TRPS1: variants seen among roughly 807,000 people sequenced by gnomAD.
TRPS1 encodes the protein transcriptional repressor GATA binding 1, also known as zinc finger transcription factor Trps1.
A neutral mutation model predicts 101.2 loss-of-function variants in TRPS1; 6 were observed. The ratio of observed to expected loss-of-function variants is 0.06; its 90% CI spans 0.03 to 0.12. TRPS1 has a LOEUF of 0.12. Ranked by LOEUF, TRPS1 falls within the 10% of genes least tolerant of loss-of-function variation. The probability of loss-of-function intolerance (pLI) is 1.00; values close to 1 mark genes in which losing one functional copy is unlikely to be tolerated. For missense variants in TRPS1, 1,363 were observed against 1,567.0 expected (o/e 0.87, Z 2.20); for synonymous variants, 578 against 589.8 (o/e 0.98, Z 0.29).
chr8:115,531,946 C>G (rs1432051360), intron 5 of TRPS1, among the ~76,000 whole-genome samples: 1 of 151,958 alleles, frequency 6.6e-6, no homozygotes, highest in Non-Finnish European at 1.5e-5. Context: ...ATCGGGGTTT[C>G]TGAGTTGCTG....
chr8:115,437,575 T>C (rs1271619109), intron 5 of TRPS1, among the ~76,000 whole-genome samples: 1 of 152,212 alleles, frequency 6.6e-6, no homozygotes, highest in Non-Finnish European at 1.5e-5. Context: ...TTGTTCCCAT[T>C]GGCACATACG....
intron 3 of TRPS1, among the ~76,000 whole-genome samples, chr8:115,618,597 T>G (rs532605051): frequency 5.9e-5 from 9 of 152,342 alleles, no homozygotes; most frequent in Non-Finnish European, 1.2e-4. Flanking sequence ...CTAATCAACA[T>G]AAAATGTTAT....
chr8:115,525,578 A>G (rs1310070997), intron 5 of TRPS1, among the ~76,000 whole-genome samples: 1 of 152,194 alleles, frequency 6.6e-6, no homozygotes, highest in Non-Finnish European at 1.5e-5. Flanking sequence ...CAATCTGATT[A>G]TTTAGCAGAT....
intron 5 of TRPS1, among the ~76,000 whole-genome samples, chr8:115,440,024 C>T (rs944007896): frequency 1.3e-5 from 2 of 152,180 alleles, no homozygotes; most frequent in African/African-American, 2.4e-5. Flanking sequence ...GTGCAGTTGT[C>T]CTCTCATAAT....
intron 4 of TRPS1, among the ~76,000 whole-genome samples, chr8:115,591,599 C>T (rs78499370): frequency 0.01 from 1,536 of 152,222 alleles, 22 homozygotes; most frequent in African/African-American, 0.034. Flanking sequence ...GAGCTGCTGT[C>T]ATCATCCTGG....
At chr8:115,537,470 C>T (rs188575544) in intron 5 of TRPS1, among the ~76,000 whole-genome samples, 41 of 152,254 alleles carry the variant, frequency 2.7e-4, no homozygotes, top group African/African-American at 8.9e-4. Context: ...AAGAAAATCA[C>T]ATATAACAAG....
intron 1 of TRPS1, among the ~76,000 whole-genome samples, chr8:115,662,779 G>A (rs1811833698): frequency 6.6e-6 from 1 of 151,312 alleles, no homozygotes; most frequent in African/African-American, 2.4e-5. Flanking sequence ...AAAAAGAGCT[G>A]CCTGTAGAAA....
chr8:115,610,562 A>C (rs1187533298), intron 3 of TRPS1, among the ~76,000 whole-genome samples: 1 of 152,158 alleles, frequency 6.6e-6, no homozygotes, highest in African/African-American at 2.4e-5. Flanking sequence ...CAACTCCCTT[A>C]TTTGGATTTA....
Position 115,568,695 on chromosome 8 carries a change from T to A in TRPS1, c.2700+18306A>T, listed in dbSNP as rs1030808585. 6.0e-4 allele frequency among the ~76,000 whole-genome samples: 92 copies of A among 152,202 alleles called. 2 individuals are homozygous for A. Among genetic ancestry groups the A allele is most frequent in the Non-Finnish European group, 6.5e-4 (44 of 67,968 alleles). ...TTAACAGGATCAAAATTTCACATAGTTCCACATCTCTAAACTTATATAGAA... is the reference window on the plus strand; with the variant it reads ...TTAACAGGATCAAAATTTCACATAGATCCACATCTCTAAACTTATATAGAA... On this transcript the variant is annotated intron_variant, in intron 5 of 6. Coordinates refer to ENST00000395715, the MANE Select transcript of TRPS1 (RefSeq NM_014112.5).
chr8:115,587,877 ACGCT>A (rs1817604013), intron 4 of TRPS1, among the ~76,000 whole-genome samples: 1 of 152,200 alleles, frequency 6.6e-6, no homozygotes, highest in African/African-American at 2.4e-5. Flanking sequence ...GCACGCACGC[ACGCT>A]GCTCGTGCTT....
rs975075468 is a variant in TRPS1, at chr8:115,524,527, G to T, written c.2700+62474C>A. On this transcript the variant is annotated intron_variant, in intron 5 of 6. Coordinates refer to ENST00000395715, the MANE Select transcript of TRPS1 (RefSeq NM_014112.5). ...GTAGAGACAGGGTTTCACCATGTTGGTCAGGCTGGTCTCGAACTCCTGACC... is the reference window on the plus strand; with the variant it reads ...GTAGAGACAGGGTTTCACCATGTTGTTCAGGCTGGTCTCGAACTCCTGACC... Among the ~76,000 whole-genome samples the T allele has an allele frequency of 2.6e-5, 4 of 151,742 alleles. No homozygotes were observed. In the East Asian group the frequency reaches 7.8e-4, roughly 30 times the overall value.
Position 115,570,719 on chromosome 8 carries a change from A to T in TRPS1, c.2700+16282T>A, listed in dbSNP as rs910232622. On this transcript the variant is annotated intron_variant, in intron 5 of 6. Coordinates refer to ENST00000395715, the MANE Select transcript of TRPS1 (RefSeq NM_014112.5). ...CACACACACACACACACACACACAC[A>T]CTCACACTTCAATGAACTTCAATTT... Among the ~76,000 whole-genome samples the T allele has an allele frequency of 2.3e-4, 33 of 146,648 alleles. No individual in the cohort carries two copies. The East Asian group carries it at 3.4e-3, about 15-fold the overall frequency.
At chr8:115,667,341 G>A (rs1345753175) in intron 1 of TRPS1, among the ~76,000 whole-genome samples, 2 of 152,098 alleles carry the variant, frequency 1.3e-5, no homozygotes, top group African/African-American at 4.8e-5. Context: ...AGCTCCCACC[G>A]CCGCCTCACC....
chr8:115,641,580 G>A (rs904285261), intron 1 of TRPS1, among the ~76,000 whole-genome samples: 1 of 152,154 alleles, frequency 6.6e-6, no homozygotes, highest in South Asian at 2.1e-4. Context: ...TCCAGTCACT[G>A]AAGACCTATA....
chr8:115,447,203 A>T (rs937318908), intron 5 of TRPS1, among the ~76,000 whole-genome samples: 1 of 152,118 alleles, frequency 6.6e-6, no homozygotes, highest in African/African-American at 2.4e-5. Context: ...CATCTTCTTT[A>T]TCAAAGCTAC....
At chr8:115,486,861 T>G (rs551787558) in intron 5 of TRPS1, among the ~76,000 whole-genome samples, 1 of 152,276 alleles carries the variant, frequency 6.6e-6, no homozygotes, top group African/African-American at 2.4e-5. Flanking sequence ...AAGAAGCAAG[T>G]GCTGAAGGAG....
chr8:115,599,653 C>T (rs988587634), intron 4 of TRPS1, among the ~76,000 whole-genome samples: 3 of 152,118 alleles, frequency 2.0e-5, no homozygotes, highest in African/African-American at 7.2e-5. Context: ...CCATCCATGT[C>T]CCTGCAAAGG....
At chr8:115,634,581 T>A (rs191791795) in intron 1 of TRPS1, among the ~76,000 whole-genome samples, 58 of 152,310 alleles carry the variant, frequency 3.8e-4, no homozygotes, top group African/African-American at 1.4e-3. Flanking sequence ...ACAGTACTGG[T>A]ATCTGGTGGT....
At chr8:115,657,541 C>G (rs1811702608) in intron 1 of TRPS1, among the ~76,000 whole-genome samples, 1 of 152,066 alleles carries the variant, frequency 6.6e-6, no homozygotes, top group African/African-American at 2.4e-5. Flanking sequence ...TGGCATTGTA[C>G]CTCTTGGGAA....
Sources: allele counts gnomAD v4.1 joint callset (sites outside exome capture counted in the v4.1 genomes callset), GRCh38; gene constraint gnomAD v4.1.1; transcripts MANE v1.5; gene names NCBI Gene and HGNC (gene_info 2026-07-23, HGNC 2026-07-21).